ANO10: variants seen among roughly 807,000 people sequenced by gnomAD.
ANO10 encodes the protein anoctamin-10.
Under a neutral mutation model 74.7 loss-of-function variants are expected in ANO10, and 77 were observed. That is an observed-to-expected ratio of 1.03 (90% confidence interval 0.86 to 1.25). ANO10 has a LOEUF of 1.25. Ranked by LOEUF, ANO10 falls within the 50% of genes most tolerant of loss-of-function variation. The pLI is 0.00. For synonymous variants in ANO10, 279 were observed against 284.9 expected, an observed-to-expected ratio of 0.98 and a Z score of 0.21; for missense variants, 721 against 778.1, an observed-to-expected ratio of 0.93 and a Z score of 0.87.
chr3:43,665,677 T>A (rs947937375), intron 1 of ANO10, among the ~76,000 whole-genome samples: 1 of 152,200 alleles, frequency 6.6e-6, no homozygotes, highest in Non-Finnish European at 1.5e-5. Context: ...ATATTGCTCC[T>A]GCTCAAGAAC....
intron 1 of ANO10, among the ~76,000 whole-genome samples, chr3:43,673,769 TTC>T (rs2084088394): frequency 6.6e-6 from 1 of 152,114 alleles, no homozygotes; most frequent in Admixed American, 6.5e-5. Context: ...ACTATTAAAA[TTC>T]TCTCCCCAAA....
chr3:43,474,318 C>T (rs1219197231), intron 11 of ANO10, among the ~76,000 whole-genome samples: 1 of 144,736 alleles, frequency 6.9e-6, no homozygotes, highest in Non-Finnish European at 1.5e-5. Flanking sequence ...ATTATCAAAA[C>T]TAATATGTTG....
chr3:43,372,872 T>C, intron 12 of ANO10: 7 of 1,534,160 alleles, frequency 4.6e-6, no homozygotes, highest in Non-Finnish European at 6.1e-6. Context: ...AGAGAAATTC[T>C]AATTTAGCCA....
At chr3:43,597,355 A>C (rs1284156830) in intron 4 of ANO10, among the ~76,000 whole-genome samples, 6 of 152,238 alleles carry the variant, frequency 3.9e-5, no homozygotes, top group Admixed American at 1.3e-4. Context: ...AAGACTTGGA[A>C]CCATCCCAAA....
At chr3:43,633,894 T>TAA (rs1045688019) in intron 1 of ANO10, among the ~76,000 whole-genome samples, 1 of 119,780 alleles carries the variant, frequency 8.3e-6, no homozygotes, top group Non-Finnish European at 1.7e-5. Flanking sequence ...GCATCGTAGC[T>TAA]AAAAAAAAAA....
chr3:43,542,692 C>CT (rs1177268952), intron 11 of ANO10, among the ~76,000 whole-genome samples: 2 of 152,190 alleles, frequency 1.3e-5, no homozygotes, highest in Non-Finnish European at 2.9e-5. Flanking sequence ...TACCACCAGA[C>CT]TTTGACACCC....
intron 11 of ANO10, among the ~76,000 whole-genome samples, chr3:43,466,045 A>G (rs1247085026): frequency 6.6e-6 from 1 of 152,188 alleles, no homozygotes; most frequent in Admixed American, 6.5e-5. Context: ...ACAAAGTTAC[A>G]GGACTAACAC....
intron 1 of ANO10, among the ~76,000 whole-genome samples, chr3:43,653,928 T>A (rs750732693): frequency 6.5e-5 from 1 of 15,428 alleles, no homozygotes; most frequent in Non-Finnish European, 1.1e-4. Context: ...TTTGCTGGGG[T>A]TTTTTTTTTT....
intron 11 of ANO10, among the ~76,000 whole-genome samples, chr3:43,472,300 T>C (rs373578361): frequency 6.6e-6 from 1 of 152,114 alleles, no homozygotes; most frequent in Non-Finnish European, 1.5e-5. Context: ...TTAATTTTGA[T>C]TATTATTACA....
intron 12 of ANO10, among the ~76,000 whole-genome samples, chr3:43,410,085 C>T (rs945872430): frequency 2.6e-5 from 4 of 151,904 alleles, no homozygotes; most frequent in Admixed American, 1.3e-4. Flanking sequence ...AACGATAAAA[C>T]GTATTACATT....
chr3:43,391,653 C>G, intron 12 of ANO10, among the ~76,000 whole-genome samples: 1 of 152,172 alleles, frequency 6.6e-6, no homozygotes, highest in Non-Finnish European at 1.5e-5. Flanking sequence ...TGCACCTTCG[C>G]TCATTTGCTA....
chr3:43,561,416 C>T lies in ANO10; in HGVS notation c.1294-14G>A, dbSNP rs750684871. The T allele has an allele frequency of 1.4e-5, 22 of 1,612,308 alleles. No individual in the cohort carries two copies. The highest frequency in any genetic ancestry group is 1.9e-5 in the Non-Finnish European group (22 of 1,178,638). On this transcript the variant is annotated splice_polypyrimidine_tract_variant and intron_variant, in intron 8 of 12. Transcript: ENST00000292246. ...AGTGGCCAAGCTCTAAAGAGAAGCA[C>T]ACAAATCACATTTTGGGAATACAGC...
At chr3:43,594,200 C>A (rs968050479) in intron 4 of ANO10, among the ~76,000 whole-genome samples, 1 of 152,044 alleles carries the variant, frequency 6.6e-6, no homozygotes, top group African/African-American at 2.4e-5. Flanking sequence ...TAGACAGATC[C>A]ACGAGACAGA....
At chr3:43,571,610 T>C (rs969178380) in intron 7 of ANO10, among the ~76,000 whole-genome samples, 1 of 149,524 alleles carries the variant, frequency 6.7e-6, no homozygotes, top group African/African-American at 2.5e-5. Context: ...CTGCATATTC[T>C]CACTCATAGG....
chr3:43,536,763 G>T (rs1439036919), intron 11 of ANO10, among the ~76,000 whole-genome samples: 1 of 151,726 alleles, frequency 6.6e-6, no homozygotes, highest in Admixed American at 6.6e-5. Flanking sequence ...CGGTTGCCTT[G>T]TTCTTAATTT....
chr3:43,658,287 CAG>C (rs1293770853), intron 1 of ANO10, among the ~76,000 whole-genome samples: 1 of 151,970 alleles, frequency 6.6e-6, no homozygotes, highest in Non-Finnish European at 1.5e-5. Flanking sequence ...AAAATTCAAA[CAG>C]ATCTTTGTCA....
At chr3:43,665,514 A>G (rs2083980095) in intron 1 of ANO10, among the ~76,000 whole-genome samples, 1 of 152,164 alleles carries the variant, frequency 6.6e-6, no homozygotes, top group Non-Finnish European at 1.5e-5. Context: ...CGAGAACTTA[A>G]CATATATAAT....
chr3:43,386,309 GGGA>G (rs1379748050), intron 12 of ANO10, among the ~76,000 whole-genome samples: 1 of 151,870 alleles, frequency 6.6e-6, no homozygotes, highest in African/African-American at 2.4e-5. Context: ...GAAGAAAGGA[GGGA>G]GAGGAGCAAG....
intron 12 of ANO10, among the ~76,000 whole-genome samples, chr3:43,430,862 A>G (rs954974009): frequency 6.6e-6 from 1 of 152,104 alleles, no homozygotes; most frequent in Admixed American, 6.5e-5. Flanking sequence ...AAATTGTTCT[A>G]TAAGTTATCT....
Sources: gnomAD v4.1 joint callset for allele counts (sites outside exome capture counted in the v4.1 genomes callset) on GRCh38, gnomAD v4.1.1 for gene constraint, MANE v1.5 for transcripts, NCBI Gene and HGNC (gene_info 2026-07-23, HGNC 2026-07-21) for gene names.